The following USP8 variants were observed in gnomAD, a reference collection of about 807,000 sequenced individuals.
The protein encoded by USP8 is ubiquitin specific peptidase 8.
Under a neutral mutation model 130.0 loss-of-function variants are expected in USP8, and 27 were observed. The observed-to-expected ratio is 0.21, with a 90% CI of 0.15 to 0.29. The LOEUF is 0.29. Among genes scored for constraint, USP8 ranks in the 10% least tolerant of loss-of-function variants. The pLI is 1.00. For missense variants in USP8, 1,029 were observed against 1,312.2 expected (o/e 0.78, Z 3.33); for synonymous variants, 392 against 444.1 (o/e 0.88, Z 1.48).
Position 50,500,807 on chromosome 15 carries a change from A to C in USP8, c.*1719A>C. ...ACTGAATTCTTGCAGAAAGCAGTGT[A>C]GTGGCCACCATCCAAATCACCAAAA... On this transcript the variant is annotated 3_prime_UTR_variant, in exon 20 of 20. Transcript: ENST00000307179. The C allele has an allele frequency of 6.3e-7, 1 of 1,589,144 alleles. No homozygotes were observed. Among genetic ancestry groups the C allele is most frequent in the Non-Finnish European group, 8.6e-7 (1 of 1,167,188 alleles).
At position 50,444,108 on chromosome 15, in the gene USP8, T is replaced by G. The variant is rs576737766; in HGVS notation, c.249+2615T>G. 5.3e-5 allele frequency among the ~76,000 whole-genome samples: 8 copies of G among 149,548 alleles called. No individual in the cohort carries two copies. The East Asian group carries it at 1.2e-3, about 22-fold the overall frequency. On this transcript the variant is annotated intron_variant, in intron 3 of 19. Coordinates refer to ENST00000307179, the MANE Select transcript of USP8 (RefSeq NM_005154.5). ...TGTTTGTGTGGTAGGTTTTTTTTTT[T>G]TTTTTTTTTTTTAAGGTGACAGTCT...
chr15:50,480,300 T>C (rs2051718730), intron 10 of USP8, among the ~76,000 whole-genome samples: 1 of 152,186 alleles, frequency 6.6e-6, no homozygotes, highest in Non-Finnish European at 1.5e-5. Flanking sequence ...AACTAGTTAG[T>C]ATTTTACCTC....
chr15:50,471,197 A>G (rs3131565), intron 7 of USP8, among the ~76,000 whole-genome samples: 3 of 152,050 alleles, frequency 2.0e-5, no homozygotes, highest in Non-Finnish European at 4.4e-5. Flanking sequence ...TAAATGCTAT[A>G]TGTGTTTGTT....
At chr15:50,495,349 T>C (rs192643601) in intron 16 of USP8, among the ~76,000 whole-genome samples, 1,473 of 92,202 alleles carry the variant, frequency 0.016, 24 homozygotes, top group Admixed American at 0.023. Context: ...CACATACATA[T>C]ATACATATAT....
chr15:50,495,198 A>T (rs566600561), intron 16 of USP8, among the ~76,000 whole-genome samples: 59 of 149,468 alleles, frequency 3.9e-4, no homozygotes, highest in African/African-American at 1.4e-3. Flanking sequence ...AGATATATAT[A>T]TATATACACA....
Position 50,495,486 on chromosome 15 carries a change from A to T in USP8, c.2659-362A>T, listed in dbSNP as rs3784300. ...TTTTTCTTTTTTTAGTAGAGATTGG[A>T]GGGGGGGGTCTCACTATGTTGCACA... On this transcript the variant is annotated intron_variant, in intron 16 of 19. Coordinates refer to ENST00000307179, the MANE Select transcript of USP8 (RefSeq NM_005154.5). Among the ~76,000 whole-genome samples, 202 of 106,836 alleles carry T rather than the reference A, an allele frequency of 1.9e-3. 5 individuals carry two copies. Among genetic ancestry groups the T allele is most frequent in the African/African-American group, 6.7e-3 (196 of 29,250 alleles). 70.1% of individuals were successfully genotyped at this position (106,836 alleles called of 152,430 possible). A position where few individuals can be genotyped will look rare whatever the true frequency, so the allele number is the denominator to read the frequency against.
At chr15:50,445,568 A>AAAAAAAAAAACAC (rs1248390470) in intron 3 of USP8, among the ~76,000 whole-genome samples, 1 of 112,788 alleles carries the variant, frequency 8.9e-6, no homozygotes, top group Non-Finnish European at 1.8e-5. Flanking sequence ...AAAAAAAAAA[A>AAAAAAAAAAACAC]AGCCTGGGCA....
chr15:50,430,681 A>G lies in USP8; in HGVS notation c.-66+6167A>G, dbSNP rs16963723. Among the ~76,000 whole-genome samples, 1,481 of 152,304 alleles carry G rather than the reference A, an allele frequency of 9.7e-3. 24 individuals carry two copies. The highest frequency in any genetic ancestry group is 0.033 in the African/African-American group (1,365 of 41,552). The stretch of plus-strand genomic sequence containing the variant: ...CAATACTTAATTATCTTCCAAAACA[A>G]TAGGGATTATCAAAGTCAACATTGA... On this transcript the variant is annotated intron_variant, in intron 1 of 19. Coordinates refer to ENST00000307179, the MANE Select transcript of USP8 (RefSeq NM_005154.5).
chr15:50,465,791 C>G (rs1235820024), intron 7 of USP8, among the ~76,000 whole-genome samples: 1 of 152,190 alleles, frequency 6.6e-6, no homozygotes, highest in African/African-American at 2.4e-5. Context: ...AGTATAGTCT[C>G]TGATGCCAGA....
chr15:50,429,021 T>G (rs2049840379), intron 1 of USP8, among the ~76,000 whole-genome samples: 1 of 152,168 alleles, frequency 6.6e-6, no homozygotes, highest in Non-Finnish European at 1.5e-5. Context: ...AAAGGGATGA[T>G]TCATGTCACA....
Position 50,506,496 on chromosome 15 carries a change from T to C in USP8, c.*7408T>C, listed in dbSNP as rs1005297251. ...GAAAAAAACCGCATCAGTGGAAAAATTGTCTTCCACAAAAATCAGTCCCTG... is the reference window on the plus strand; with the variant it reads ...GAAAAAAACCGCATCAGTGGAAAAACTGTCTTCCACAAAAATCAGTCCCTG... On this transcript the variant is annotated 3_prime_UTR_variant, in exon 20 of 20. Transcript: ENST00000307179. 3.3e-5 allele frequency: 5 copies of C among 151,732 alleles called. No homozygotes were observed. Among genetic ancestry groups the C allele is most frequent in the East Asian group, 1.9e-4 (1 of 5,176 alleles). 9.4% of individuals were successfully genotyped at this position (151,732 alleles called of 1,614,324 possible).
At chr15:50,477,885 A>G (rs891698134) in intron 10 of USP8, among the ~76,000 whole-genome samples, 4 of 152,182 alleles carry the variant, frequency 2.6e-5, no homozygotes, top group Non-Finnish European at 5.9e-5. Flanking sequence ...ACGAAGTTTA[A>G]TATATAACCT....
At chr15:50,461,059 C>G (rs528135062) in intron 5 of USP8, among the ~76,000 whole-genome samples, 2 of 151,848 alleles carry the variant, frequency 1.3e-5, no homozygotes, top group African/African-American at 4.8e-5. Flanking sequence ...GTGGCGCGAT[C>G]TCAGCTCACT....
At position 50,499,950 on chromosome 15, in the gene USP8, G is replaced by C. The variant is rs1007742645; in HGVS notation, c.*862G>C. The stretch of plus-strand genomic sequence containing the variant: ...TCTAAATATTAAAGTAAAAATGCCG[G>C]GAGTCAGGCATGATTGCAAAGTGAA... On this transcript the variant is annotated 3_prime_UTR_variant, in exon 20 of 20. Coordinates refer to ENST00000307179, the MANE Select transcript of USP8 (RefSeq NM_005154.5). 6.6e-6 allele frequency: 1 copy of C among 152,012 alleles called. No homozygotes were observed. The highest frequency in any genetic ancestry group is 2.4e-5 in the African/African-American group (1 of 41,370). The allele number at this position is 152,012 out of a possible 1,614,324, so 9.4% of individuals were successfully genotyped here.
intron 10 of USP8, among the ~76,000 whole-genome samples, chr15:50,478,954 C>G (rs1309304536): frequency 2.6e-5 from 4 of 152,036 alleles, no homozygotes; most frequent in African/African-American, 9.7e-5. Context: ...ACTCAGGAGG[C>G]TGAGGCAGGA....
intron 7 of USP8, among the ~76,000 whole-genome samples, chr15:50,465,700 G>T (rs1220096831): frequency 6.6e-6 from 1 of 151,496 alleles, no homozygotes. Flanking sequence ...TGAACTAATT[G>T]AATTGTTTTA....
intron 4 of USP8, among the ~76,000 whole-genome samples, chr15:50,455,476 C>T (rs1024596219): frequency 5.9e-5 from 9 of 152,142 alleles, no homozygotes; most frequent in Admixed American, 3.3e-4. Context: ...TTTTCATTTA[C>T]GCCCTTGAGC....
intron 7 of USP8, among the ~76,000 whole-genome samples, 162 bp from the exon 8 acceptor site, chr15:50,471,471 A>T (rs888844701): frequency 6.6e-6 from 1 of 152,234 alleles, no homozygotes; most frequent in Non-Finnish European, 1.5e-5. Flanking sequence ...TAAACATGTT[A>T]GGCTGTTTAA....
chr15:50,449,386 T>C lies in USP8; in HGVS notation c.250-14T>C. 6.5e-7 allele frequency: 1 copy of C among 1,544,592 alleles called. No individual in the cohort carries two copies. Among genetic ancestry groups the C allele is most frequent in the South Asian group, 1.3e-5 (1 of 79,830 alleles). On this transcript the variant is annotated splice_polypyrimidine_tract_variant and intron_variant, in intron 3 of 19. Coordinates refer to ENST00000307179, the MANE Select transcript of USP8 (RefSeq NM_005154.5). ...GAGAACTAACAATATGGGATGGTTT[T>C]CCTATAATTTTAGGATTATTTCCAT...
Sources: gnomAD v4.1 joint callset for allele counts (sites outside exome capture counted in the v4.1 genomes callset) on GRCh38, gnomAD v4.1.1 for gene constraint, MANE v1.5 for transcripts, NCBI Gene and HGNC (gene_info 2026-07-23, HGNC 2026-07-21) for gene names.